DDX54: variants seen among roughly 807,000 people sequenced by gnomAD.
DDX54 encodes the protein DEAD-box helicase 54.
A neutral mutation model predicts 105.5 loss-of-function variants in DDX54; 67 were observed. The ratio of observed to expected loss-of-function variants is 0.64; its 90% CI spans 0.52 to 0.78. DDX54 has a LOEUF of 0.78. DDX54 is among the 30% of genes least tolerant of loss of function. The pLI is 0.00. For synonymous variants in DDX54, 514 were observed against 509.9 expected (o/e 1.01, Z -0.11); for missense variants, 1,206 against 1,230.5 (o/e 0.98, Z 0.30).
intron 1 of DDX54, among the ~76,000 whole-genome samples, chr12:113,183,971 G>C (rs1441293618): frequency 1.3e-5 from 2 of 152,036 alleles, no homozygotes; most frequent in Non-Finnish European, 2.9e-5. Flanking sequence ...TTTTGAGACA[G>C]AGTCTTGCTC....
chr12:113,175,001 C>T (rs754517815), intron 8 of DDX54, 35 bp downstream of exon 8: 3 of 1,611,410 alleles, frequency 1.9e-6, no homozygotes, highest in East Asian at 2.2e-5. Context: ...CCCAGCCTGA[C>T]CCCCAGCCCC....
In DDX54 at chr12:113,162,001, C is replaced by T; in HGVS notation, c.2196-4G>A. On this transcript the variant is annotated splice_region_variant and splice_polypyrimidine_tract_variant and intron_variant, in intron 17 of 19. Transcript: ENST00000306014. ...AAACCGCTTCTTCTTACGGTCCCTG[C>T]AGGAGAGGGAGTTGGGACGGCTGCC... 6.2e-7 allele frequency: 1 copy of T among 1,612,406 alleles called. No homozygotes were observed.
chr12:113,182,618 C>T (rs150631360), intron 1 of DDX54, among the ~76,000 whole-genome samples: 1,531 of 143,716 alleles, frequency 0.011, 17 homozygotes, highest in Middle Eastern at 0.088. Context: ...AGTGCAGTGG[C>T]AGGATCTTGG....
At position 113,172,455 on chromosome 12, in the gene DDX54, T is replaced by C; in HGVS notation, c.1177A>G (p.Ile393Val). 6.2e-7 allele frequency: 1 copy of C among 1,614,250 alleles called. No homozygotes were observed. The highest frequency in any genetic ancestry group is 8.5e-7 in the Non-Finnish European group (1 of 1,180,042). ...KFTLGKCSTL[I>V]VTDLAARGLD... ...CCTCGGGCGGCCAGGTCAGTCACAA[T>C]GAGAGTGGAGCACTTGCCAAGCGTG... Residue 393 changes from isoleucine to valine, a missense_variant, in exon 11 of 20, where the codon ATT becomes GTT. Ile to Val is a conservative substitution (Grantham distance 29, BLOSUM62 3). This residue lies in a region of DDX54 where 961 missense variants were observed against 1,019.1 expected (regional missense o/e 0.94). Transcript: ENST00000306014.
intron 8 of DDX54, 33 bp downstream of exon 8, chr12:113,175,003 C>T (rs780616116): frequency 2.5e-6 from 4 of 1,612,350 alleles, no homozygotes; most frequent in East Asian, 4.5e-5. Context: ...CAGCCTGACC[C>T]CCAGCCCCCA....
Position 113,165,885 on chromosome 12 carries a change from C to T in DDX54, c.1562G>A (p.Arg521His), listed in dbSNP as rs146087049. 2.4e-4 allele frequency: 385 copies of T among 1,613,722 alleles called. 1 individual carries two copies. The highest frequency in any genetic ancestry group is 2.3e-3 in the Middle Eastern group (14 of 6,062). Residue 521 changes from arginine to histidine, a missense_variant, in exon 13 of 20, where the codon CGC becomes CAC. This residue lies in a region of DDX54 where 961 missense variants were observed against 1,019.1 expected (regional missense o/e 0.94). Coordinates refer to ENST00000306014, the MANE Select transcript of DDX54 (RefSeq NM_024072.4). ...CTCAGGCGAGGGCGCCGGGCGTGAG[C>T]GCACATACTGCTGCTGGGCGTTATC... ...VADNAQQQYV[R>H]SRPAPSPESI...
At chr12:113,182,507 A>G (rs2136328218) in intron 1 of DDX54, among the ~76,000 whole-genome samples, 1 of 152,182 alleles carries the variant, frequency 6.6e-6, no homozygotes, top group Non-Finnish European at 1.5e-5. Context: ...TGCCTGGGAC[A>G]CACAGGCGCC....
At position 113,175,526 on chromosome 12, in the gene DDX54, G is replaced by A. The variant is rs543981918; in HGVS notation, c.753-369C>T. ...GCTGGGGCCGGGCGCAGTGGCTCAGGCCTGTAATCCCAAGCACTTTGGGAG... is the reference window on the plus strand; with the variant it reads ...GCTGGGGCCGGGCGCAGTGGCTCAGACCTGTAATCCCAAGCACTTTGGGAG... On this transcript the variant is annotated intron_variant, in intron 7 of 19. Coordinates refer to ENST00000306014, the MANE Select transcript of DDX54 (RefSeq NM_024072.4). 4.6e-5 allele frequency among the ~76,000 whole-genome samples: 7 copies of A among 152,268 alleles called. No homozygotes were observed. In the East Asian group the frequency reaches 1.4e-3, roughly 29 times the overall value.
At chr12:113,159,219 T>C (rs1403103810) in intron 19 of DDX54, 110 bp from the exon 20 acceptor site, 11 of 1,222,378 alleles carry the variant, frequency 9.0e-6, no homozygotes, top group Non-Finnish European at 1.2e-5. Flanking sequence ...TCTGTGCTTA[T>C]TGCTGTGGCC....
Position 113,165,628 on chromosome 12 carries a change from A to G in DDX54, c.1719+16T>C, listed in dbSNP as rs1593000019. The G allele has an allele frequency of 6.3e-7, 1 of 1,593,512 alleles. No individual in the cohort carries two copies. The highest frequency in any genetic ancestry group is 1.3e-5 in the African/African-American group (1 of 74,696). ...AGCCAGGACTCAGAGCGTGGTCTCC[A>G]CCCGGCCCCACTCACCGCCCGGGAG... On this transcript the variant is annotated intron_variant, in intron 14 of 19. Coordinates refer to ENST00000306014, the MANE Select transcript of DDX54 (RefSeq NM_024072.4).
At position 113,164,174 on chromosome 12, in the gene DDX54, G is replaced by A. The variant is rs373302874; in HGVS notation, c.1831C>T (p.Arg611Trp). The A allele has an allele frequency of 1.7e-5, 26 of 1,560,324 alleles. No homozygotes were observed. The highest frequency in any genetic ancestry group is 1.7e-4 in the Middle Eastern group (1 of 5,992). The change falls in exon 15 of 20, where the codon CGG becomes TGG. Residue 611 changes from arginine (R) to tryptophan (W), a missense_variant. By Grantham distance (101) the Arg-to-Trp change is moderately radical (BLOSUM62 -3). Around this residue, in one of 3 missense-constraint regions of DDX54, gnomAD observed 961 missense variants for 1,019.1 expected, o/e 0.94. Transcript: ENST00000306014. Reference sequence around the variant, plus strand: ...ACTGGGCCCTCCTGCTGCTCCTGCCGCCCCTGCTGTCCCTGCTGGAAGCGG... The same window carrying A: ...ACTGGGCCCTCCTGCTGCTCCTGCCACCCCTGCTGTCCCTGCTGGAAGCGG... Reference protein sequence around the residue: ...IARFQQGQQGRQEQQEGPVGP... With the variant: ...IARFQQGQQGWQEQQEGPVGP...
intron 12 of DDX54, 34 bp downstream of exon 12, chr12:113,169,736 C>A (rs201647953): frequency 6.8e-6 from 11 of 1,607,230 alleles, no homozygotes; most frequent in Non-Finnish European, 9.4e-6. Context: ...ATGAACTCCA[C>A]GGGGACCCCT....
Position 113,157,528 on chromosome 12 carries a change from C to A in DDX54, c.*1349G>T. ...AGTCCCCGCCCTACCTTTCGGCCTC[C>A]CCCGCGTGTTGAGGGGTGGGGGCTG... On this transcript the variant is annotated 3_prime_UTR_variant, in exon 20 of 20. Transcript: ENST00000306014. The A allele has an allele frequency of 7.8e-7, 1 of 1,277,958 alleles. No homozygotes were observed. The highest frequency in any genetic ancestry group is 1.1e-6 in the Non-Finnish European group (1 of 900,870). The allele number at this position is 1,277,958 out of a possible 1,614,324, so 79.2% of individuals were successfully genotyped here.
At chr12:113,168,088 C>A in intron 12 of DDX54, 1 of 382,032 alleles carries the variant, frequency 2.6e-6, no homozygotes, top group Non-Finnish European at 5.2e-6. Flanking sequence ...AGGCCGCCCC[C>A]CACCCCGGCC....
In DDX54 at chr12:113,170,017, C is replaced by T. The variant is rs116979084; in HGVS notation, c.1280-113G>A. The T allele has an allele frequency of 3.8e-4, 544 of 1,429,480 alleles. 3 individuals carry two copies. Among genetic ancestry groups the T allele is most frequent in the East Asian group, 8.3e-4 (34 of 40,916 alleles). 88.5% of individuals were successfully genotyped at this position (1,429,480 alleles called of 1,614,324 possible). On this transcript the variant is annotated intron_variant, in intron 11 of 19. Coordinates refer to ENST00000306014, the MANE Select transcript of DDX54 (RefSeq NM_024072.4). ...GCCTGGCCAAGCCTCGAACCTCACACGGCTGCTGTCCCCACCTACGCACAG... is the reference window on the plus strand; with the variant it reads ...GCCTGGCCAAGCCTCGAACCTCACATGGCTGCTGTCCCCACCTACGCACAG...
rs373975214 is a variant in DDX54, at chr12:113,157,695, G to A, written c.*1182C>T. The A allele has an allele frequency of 8.8e-5, 136 of 1,550,000 alleles. 4 individuals are homozygous for A. Among genetic ancestry groups the A allele is most frequent in the East Asian group, 5.9e-4 (24 of 40,926 alleles). On this transcript the variant is annotated 3_prime_UTR_variant, in exon 20 of 20. Transcript: ENST00000306014. The stretch of plus-strand genomic sequence containing the variant: ...TGCCTCCTAGCCCTGACACAGGTGA[G>A]CAGCGGGAGAGGGAACCCCTGAGAG...
chr12:113,178,937 T>C (rs1370373948), intron 5 of DDX54, 40 bp downstream of exon 5: 1 of 1,611,204 alleles, frequency 6.2e-7, no homozygotes. Flanking sequence ...GAGATGTGCC[T>C]GCATGGTGGT....
chr12:113,166,728 AAAAC>A (rs1952282174), intron 12 of DDX54, among the ~76,000 whole-genome samples: 1 of 152,108 alleles, frequency 6.6e-6, no homozygotes, highest in Admixed American at 6.5e-5. Flanking sequence ...ACAAAAACAA[AAAAC>A]AAACAACAGC....
At position 113,157,611 on chromosome 12, in the gene DDX54, T is replaced by C. The variant is rs1592993569; in HGVS notation, c.*1266A>G. The C allele has an allele frequency of 1.9e-6, 3 of 1,551,572 alleles. No homozygotes were observed. The highest frequency in any genetic ancestry group is 2.6e-6 in the Non-Finnish European group (3 of 1,146,994). ...TGCTGGGCCCCCCCAGGTGAAGCTGTTCATGCAGGACCTCTCTGCCATGCT... is the reference window on the plus strand; with the variant it reads ...TGCTGGGCCCCCCCAGGTGAAGCTGCTCATGCAGGACCTCTCTGCCATGCT... On this transcript the variant is annotated 3_prime_UTR_variant, in exon 20 of 20. Transcript: ENST00000306014.
Sources: allele counts gnomAD v4.1 joint callset (sites outside exome capture counted in the v4.1 genomes callset), GRCh38; gene constraint gnomAD v4.1.1; regional missense constraint gnomAD v4.1.1; transcripts MANE v1.5; gene names NCBI Gene and HGNC (gene_info 2026-07-23, HGNC 2026-07-21).